GPR158: variants seen among roughly 807,000 people sequenced by gnomAD.
The protein encoded by GPR158 is metabotropic glycine receptor.
Under a neutral mutation model 78.2 loss-of-function variants are expected in GPR158, and 30 were observed. The observed-to-expected ratio is 0.38, with a 90% CI of 0.29 to 0.52. The LOEUF (loss-of-function observed/expected upper bound fraction) is 0.52, where lower values mean the gene tolerates loss of function less well. Ranked by LOEUF, GPR158 falls within the 20% of genes least tolerant of loss-of-function variation. GPR158 has a pLI of 0.83. For synonymous variants in GPR158, 581 were observed against 591.1 expected, an observed-to-expected ratio of 0.98 and a Z score of 0.25; for missense variants, 1,463 against 1,523.5, an observed-to-expected ratio of 0.96 and a Z score of 0.66.
At chr10:25,540,470 C>T (rs1213427140) in intron 5 of GPR158, among the ~76,000 whole-genome samples, 1 of 152,210 alleles carries the variant, frequency 6.6e-6, no homozygotes, top group African/African-American at 2.4e-5. Context: ...ATAAATCACG[C>T]TGCTGTAAAG....
intron 3 of GPR158, among the ~76,000 whole-genome samples, chr10:25,408,516 C>A (rs1209912544): frequency 6.6e-6 from 1 of 152,188 alleles, no homozygotes; most frequent in Non-Finnish European, 1.5e-5. Flanking sequence ...TCCTATTCTA[C>A]AGTGCTCTAT....
Position 25,366,066 on chromosome 10 carries a change from ATTG to A in GPR158, c.1009-29840_1009-29838del, listed in dbSNP as rs1178680239. Among the ~76,000 whole-genome samples the A allele has an allele frequency of 1.1e-4, 16 of 151,748 alleles. No homozygotes were observed. In the East Asian group the frequency reaches 2.7e-3, roughly 26 times the overall value. ...ATATAACACTAATATATTTACTTTT[ATTG>A]TTGTATAGTATGTTATTATTTTAAT... is the stretch of plus-strand genomic sequence containing the variant. On this transcript the variant is annotated intron_variant, in intron 2 of 10. Transcript: ENST00000376351.
At chr10:25,582,040 G>A (rs1174557038) in intron 7 of GPR158, among the ~76,000 whole-genome samples, 1 of 152,114 alleles carries the variant, frequency 6.6e-6, no homozygotes, top group Non-Finnish European at 1.5e-5. Flanking sequence ...AAAACCATCA[G>A]ATCTCCTGAG....
chr10:25,404,979 A>G (rs1236864119), intron 3 of GPR158, among the ~76,000 whole-genome samples: 1 of 152,096 alleles, frequency 6.6e-6, no homozygotes, highest in Non-Finnish European at 1.5e-5. Context: ...TCTGCAATTC[A>G]TATGTTCCAA....
rs543595224 is a variant in GPR158, at chr10:25,387,335, G to T, written c.1009-8576G>T. 4.6e-5 allele frequency among the ~76,000 whole-genome samples: 7 copies of T among 152,114 alleles called. No homozygotes were observed. In the South Asian group the frequency reaches 1.5e-3, roughly 32 times the overall value. ...CTAGAAATGAATCCCACTTGTTTGTGGTGTATAATCCTTTTTAATGTCTGT... is the reference window on the plus strand; with the variant it reads ...CTAGAAATGAATCCCACTTGTTTGTTGTGTATAATCCTTTTTAATGTCTGT... On this transcript the variant is annotated intron_variant, in intron 2 of 10. Transcript: ENST00000376351.
At chr10:25,458,884 G>A (rs966730154) in intron 4 of GPR158, among the ~76,000 whole-genome samples, 1 of 152,076 alleles carries the variant, frequency 6.6e-6, no homozygotes, top group African/African-American at 2.4e-5. Flanking sequence ...TTATTGCTGA[G>A]AATTCTCCTA....
chr10:25,185,395 T>A (rs1852668813), intron 1 of GPR158, among the ~76,000 whole-genome samples: 1 of 152,208 alleles, frequency 6.6e-6, no homozygotes, highest in African/African-American at 2.4e-5. Flanking sequence ...ATGAATTAAT[T>A]TACATTGGTA....
At chr10:25,553,393 T>C (rs536318212) in intron 6 of GPR158, among the ~76,000 whole-genome samples, 64 of 152,314 alleles carry the variant, frequency 4.2e-4, no homozygotes, top group African/African-American at 1.5e-3. Context: ...AAGGCTTAAA[T>C]TGAAACTATT....
At chr10:25,548,304 A>G (rs914684600) in intron 5 of GPR158, among the ~76,000 whole-genome samples, 8 of 152,160 alleles carry the variant, frequency 5.3e-5, no homozygotes, top group African/African-American at 1.9e-4. Flanking sequence ...ATAGTCTAAA[A>G]GTCATAGTAG....
chr10:25,189,464 G>A (rs1023008902), intron 1 of GPR158, among the ~76,000 whole-genome samples: 1 of 152,106 alleles, frequency 6.6e-6, no homozygotes, highest in Non-Finnish European at 1.5e-5. Flanking sequence ...CCATAAAAAA[G>A]GATGAGTTCA....
intron 1 of GPR158, among the ~76,000 whole-genome samples, chr10:25,186,438 T>G (rs12260770): frequency 0.19 from 28,245 of 151,848 alleles, 4,085 homozygotes; most frequent in African/African-American, 0.4. Context: ...CCAGGAGCTG[T>G]TTTTTTGAAA....
intron 2 of GPR158, among the ~76,000 whole-genome samples, chr10:25,233,608 T>C (rs1273787297): frequency 6.6e-6 from 1 of 152,230 alleles, no homozygotes; most frequent in African/African-American, 2.4e-5. Flanking sequence ...CATCTTTGTC[T>C]GCCACTTTTT....
chr10:25,377,126 T>C (rs992631585), intron 2 of GPR158, among the ~76,000 whole-genome samples: 4 of 151,892 alleles, frequency 2.6e-5, no homozygotes, highest in Non-Finnish European at 5.9e-5. Flanking sequence ...TTTTGCCTCA[T>C]TAGTTCTCTC....
rs976123479 is a variant in GPR158 at position 25,321,400 on chromosome 10, G to A, written c.1009-74511G>A. Among the ~76,000 whole-genome samples, 4 of 152,092 alleles carry A rather than the reference G, an allele frequency of 2.6e-5. No individual in the cohort carries two copies. The East Asian group carries it at 7.7e-4, about 29-fold the overall frequency. ...AATTAATGTCTCTTTGAGTAAACAC[G>A]AAGACCTCTACTAATTTTAGATCCA... On this transcript the variant is annotated intron_variant, in intron 2 of 10. Transcript: ENST00000376351.
chr10:25,221,418 A>G (rs967904612), intron 2 of GPR158, among the ~76,000 whole-genome samples: 1 of 152,196 alleles, frequency 6.6e-6, no homozygotes, highest in Non-Finnish European at 1.5e-5. Flanking sequence ...ATTCTTCAAA[A>G]TGGGCTGGAA....
At chr10:25,221,872 T>C (rs191488240) in intron 2 of GPR158, among the ~76,000 whole-genome samples, 4 of 152,328 alleles carry the variant, frequency 2.6e-5, no homozygotes, top group South Asian at 2.1e-4. Flanking sequence ...TCTTAAATAC[T>C]TGGGCTAGTC....
chr10:25,442,130 T>G (rs992913779), intron 4 of GPR158, among the ~76,000 whole-genome samples: 3 of 152,214 alleles, frequency 2.0e-5, no homozygotes, highest in Admixed American at 2.0e-4. Context: ...AAGCCCTTGA[T>G]TAAACTACTC....
chr10:25,240,478 G>T (rs1001346563), intron 2 of GPR158, among the ~76,000 whole-genome samples: 1 of 152,162 alleles, frequency 6.6e-6, no homozygotes, highest in Non-Finnish European at 1.5e-5. Context: ...CATCCAGCCT[G>T]GGAGACAGAG....
chr10:25,594,306 C>G lies in GPR158; in HGVS notation c.1907C>G (p.Ser636Ter). The change falls in exon 9 of 11, where the codon TCA (serine) becomes TGA (stop). Residue 636 changes from serine to a stop codon, truncating the protein, a stop_gained. Transcript: ENST00000376351. LOFTEE classifies it high-confidence loss of function. ...IFHTIRFVLA[S>*]RLQSDWMLML... ...TCTCATTTCAGATTTGTTCTTGCCT[C>G]AAGACTTCAGTCTGATTGGATGTTG... is the stretch of plus-strand genomic sequence containing the variant. 2 of 1,554,336 alleles carry G rather than the reference C, an allele frequency of 1.3e-6. No individual in the cohort carries two copies. Among genetic ancestry groups the G allele is most frequent in the Non-Finnish European group, 1.8e-6 (2 of 1,126,610 alleles).
Sources: gnomAD v4.1 joint callset for allele counts (sites outside exome capture counted in the v4.1 genomes callset) on GRCh38, gnomAD v4.1.1 for gene constraint, MANE v1.5 for transcripts, NCBI Gene and HGNC (gene_info 2026-07-23, HGNC 2026-07-21) for gene names.